The following SLC15A4 variants were observed in gnomAD, a reference collection of about 807,000 sequenced individuals.
The protein encoded by SLC15A4 is hPHT1.
Under a neutral mutation model 46.1 loss-of-function variants are expected in SLC15A4, and 26 were observed. The observed-to-expected ratio is 0.56, with a 90% CI of 0.41 to 0.78. SLC15A4 has a LOEUF of 0.78. SLC15A4 is among the 30% of genes least tolerant of loss of function. The probability of loss-of-function intolerance (pLI) is 0.00; values close to 1 mark genes in which losing one functional copy is unlikely to be tolerated. For synonymous variants in SLC15A4, 370 were observed against 333.4 expected, an observed-to-expected ratio of 1.11 and a Z score of -1.20; for missense variants, 751 against 755.7, an observed-to-expected ratio of 0.99 and a Z score of 0.07.
Position 128,823,754 on chromosome 12 carries a change from C to T in SLC15A4, c.190G>A (p.Gly64Arg), listed in dbSNP as rs758083861. 4.5e-6 allele frequency: 7 copies of T among 1,539,122 alleles called. No individual in the cohort carries two copies. The highest frequency in any genetic ancestry group is 2.8e-5 in the African/African-American group (2 of 70,804). ...ITSNLVLFLN[G>R]APFCWEGAQA... Reference sequence around the variant, plus strand: ...GCGCCCTCCCAGCAGAACGGCGCCCCGTTCAGGAATAGCACCAGGTTGGAC... The same window carrying T: ...GCGCCCTCCCAGCAGAACGGCGCCCTGTTCAGGAATAGCACCAGGTTGGAC... The change falls in exon 1 of 8, where the codon GGG becomes AGG. Residue 64 changes from glycine (G) to arginine (R), a missense_variant. By Grantham distance (125) the Gly-to-Arg change is moderately radical. Transcript: ENST00000266771.
Position 128,823,621 on chromosome 12 carries a change from A to G in SLC15A4, c.323T>C (p.Leu108Pro). Residue 108 changes from leucine to proline, a missense_variant, in exon 1 of 8, where the codon CTG becomes CCG. Physicochemically the swap from Leu to Pro is moderately conservative, Grantham distance 98 (BLOSUM62 -3). Transcript: ENST00000266771. The part of the protein sequence containing the change: ...ARLGRARAIL[L>P]SLALYLLGML... ...GCCCAGCAGGTAGAGCGCCAGGCTC[A>G]GCAGGATGGCGCGCGCCCGGCCCAG... 3 of 1,473,264 alleles carry G rather than the reference A, an allele frequency of 2.0e-6. No homozygotes were observed. Among genetic ancestry groups the G allele is most frequent in the Non-Finnish European group, 2.7e-6 (3 of 1,117,104 alleles). The allele number at this position is 1,473,264 out of a possible 1,614,324, so 91.3% of individuals were successfully genotyped here. A position where few individuals can be genotyped will look rare whatever the true frequency, so the allele number is the denominator to read the frequency against.
At chr12:128,814,146 G>C (rs982098028) in intron 2 of SLC15A4, 3 of 161,254 alleles carry the variant, frequency 1.9e-5, no homozygotes, top group Non-Finnish European at 4.1e-5. Context: ...AGTGCATCTC[G>C]CCATTCTGCT....
chr12:128,803,405 A>G (rs1955540736), intron 5 of SLC15A4, among the ~76,000 whole-genome samples: 1 of 151,740 alleles, frequency 6.6e-6, no homozygotes, highest in South Asian at 2.1e-4. Flanking sequence ...TTGTTGATGG[A>G]TTCACAGACA....
chr12:128,804,489 T>C (rs1955555699), intron 5 of SLC15A4, among the ~76,000 whole-genome samples: 1 of 152,146 alleles, frequency 6.6e-6, no homozygotes. Flanking sequence ...CCCAGCACTT[T>C]GGGAGGCCAA....
At chr12:128,796,429 CAAAAAAAAAA>C (rs57014966) in intron 7 of SLC15A4, among the ~76,000 whole-genome samples, 26 of 33,924 alleles carry the variant, frequency 7.7e-4, no homozygotes, top group Admixed American at 4.0e-3. Context: ...AACTCCATCT[CAAAAAAAAAA>C]AAAAAAAAAA....
rs1353358690 is a variant in SLC15A4, at chr12:128,823,841, C to T, written c.103G>A (p.Ala35Thr). 3.1e-6 allele frequency: 4 copies of T among 1,303,982 alleles called. No homozygotes were observed. The East Asian group carries it at 1.4e-4, about 44-fold the overall frequency. 80.8% of individuals were successfully genotyped at this position (1,303,982 alleles called of 1,614,324 possible). Residue 35 changes from alanine (A) to threonine (T), a missense_variant, in exon 1 of 8, where the codon GCG becomes ACG. Coordinates refer to ENST00000266771, the MANE Select transcript of SLC15A4 (RefSeq NM_145648.4). ...AAAGAFAGRR[A>T]ACGAVLLTEL... is the part of the protein sequence containing the mutation. ...GTCAGCAGCACGGCCCCGCACGCCGCGCGCCGGCCCGCGAACGCCCCAGCC... is the reference window on the plus strand; with the variant it reads ...GTCAGCAGCACGGCCCCGCACGCCGTGCGCCGGCCCGCGAACGCCCCAGCC...
Position 128,823,438 on chromosome 12 carries a change from GC to G in SLC15A4, c.505del (p.Ala169ProfsTer42). On this transcript the variant is annotated frameshift_variant, in exon 1 of 8. Coordinates refer to ENST00000266771, the MANE Select transcript of SLC15A4 (RefSeq NM_145648.4). LOFTEE classifies it high-confidence loss of function. The part of the protein sequence containing the change: ...AGLVLVGLGV[A>X]TVKANITPFG... The stretch of plus-strand genomic sequence containing the variant: ...GGGCGTGATGTTGGCCTTGACGGTG[GC>G]CACGCCCAGGCCCACCAGCACCAGC... 1 of 1,462,486 alleles carries G rather than the reference GC, an allele frequency of 6.8e-7. No homozygotes were observed. The highest frequency in any genetic ancestry group is 1.3e-5 in the South Asian group (1 of 75,620). 90.6% of individuals were successfully genotyped at this position (1,462,486 alleles called of 1,614,324 possible).
Position 128,814,809 on chromosome 12 carries a change from A to C in SLC15A4, c.808T>G (p.Ser270Ala), listed in dbSNP as rs141893441. The change falls in exon 2 of 8, where the codon TCC becomes GCC. Residue 270 changes from serine to alanine, a missense_variant. Ser to Ala is a moderately conservative substitution (Grantham distance 99). Coordinates refer to ENST00000266771, the MANE Select transcript of SLC15A4 (RefSeq NM_145648.4). ...MFKILTYSCCSQKRSGERQSN... is the reference protein window; with the variant it reads ...MFKILTYSCCAQKRSGERQSN... ...TGGCGCTCTCCACTTCGCTTCTGGGAACAGCAGGAATACGTCAGTATCTTG... is the reference window on the plus strand; with the variant it reads ...TGGCGCTCTCCACTTCGCTTCTGGGCACAGCAGGAATACGTCAGTATCTTG... 5.0e-6 allele frequency: 8 copies of C among 1,614,118 alleles called. No homozygotes were observed. In the African/African-American group the frequency reaches 1.1e-4, roughly 22 times the overall value.
chr12:128,802,903 C>T (rs1042973187), intron 5 of SLC15A4, among the ~76,000 whole-genome samples: 7 of 152,156 alleles, frequency 4.6e-5, no homozygotes, highest in Non-Finnish European at 1.0e-4. Flanking sequence ...GCCAACACTG[C>T]GGAAACCAGG....
At chr12:128,813,883 A>G (rs1651798038) in intron 2 of SLC15A4, 1 of 152,380 alleles carries the variant, frequency 6.6e-6, no homozygotes, top group African/African-American at 2.4e-5. Context: ...AAAACTGTAC[A>G]GATATAAGGG....
chr12:128,807,393 A>T (rs1170906024), intron 5 of SLC15A4, among the ~76,000 whole-genome samples: 1 of 152,216 alleles, frequency 6.6e-6, no homozygotes, highest in Non-Finnish European at 1.5e-5. Context: ...AAGGAGCCCA[A>T]ACCAAGTATC....
chr12:128,816,550 G>A (rs1407973730), intron 1 of SLC15A4, among the ~76,000 whole-genome samples: 1 of 152,166 alleles, frequency 6.6e-6, no homozygotes, highest in East Asian at 1.9e-4. Flanking sequence ...ACCAATTACG[G>A]TTGGGCATGG....
chr12:128,815,146 G>T, intron 1 of SLC15A4, 76 bp from the exon 2 acceptor site: 1 of 1,378,718 alleles, frequency 7.3e-7, no homozygotes, highest in Non-Finnish European at 1.0e-6. Flanking sequence ...CGGTCAAGTG[G>T]TTAAAATTAC....
chr12:128,813,031 G>A (rs2135716912), intron 2 of SLC15A4, among the ~76,000 whole-genome samples: 1 of 152,272 alleles, frequency 6.6e-6, no homozygotes, highest in Non-Finnish European at 1.5e-5. Flanking sequence ...GAACAATGCT[G>A]TTCTCTTGCA....
chr12:128,795,872 G>A (rs1031952866), intron 7 of SLC15A4, among the ~76,000 whole-genome samples: 2 of 152,206 alleles, frequency 1.3e-5, no homozygotes, highest in Non-Finnish European at 2.9e-5. Context: ...GCCACCAGCT[G>A]GAAAGCACTG....
intron 2 of SLC15A4, among the ~76,000 whole-genome samples, chr12:128,810,849 C>A (rs142815794): frequency 4.3e-4 from 65 of 152,308 alleles, no homozygotes; most frequent in Middle Eastern, 3.4e-3. Flanking sequence ...GAGGAAGATG[C>A]CGGGGCACAG....
chr12:128,801,079 T>C, intron 5 of SLC15A4, 70 bp from the exon 6 acceptor site: 1 of 1,435,258 alleles, frequency 7.0e-7, no homozygotes, highest in Non-Finnish European at 9.5e-7. Flanking sequence ...AAATCTGATG[T>C]TGGCTACGAG....
chr12:128,816,771 G>A (rs1955756943), intron 1 of SLC15A4, among the ~76,000 whole-genome samples: 1 of 152,184 alleles, frequency 6.6e-6, no homozygotes, highest in South Asian at 2.1e-4. Flanking sequence ...GGAGGTGGCA[G>A]TGAGCTGTGA....
At position 128,796,273 on chromosome 12, in the gene SLC15A4, T is replaced by C. The variant is rs1292024958; in HGVS notation, c.1574-1917A>G. Among the ~76,000 whole-genome samples the C allele has an allele frequency of 2.6e-5, 4 of 151,776 alleles. No individual in the cohort carries two copies. In the East Asian group the frequency reaches 7.8e-4, roughly 30 times the overall value. ...ACCCCGTCTCTACTAAAAATACAAA[T>C]AATTAGCCAGGCGTGGTGGCTGGCG... is the stretch of plus-strand genomic sequence containing the variant. On this transcript the variant is annotated intron_variant, in intron 7 of 7. Transcript: ENST00000266771.
Sources: gnomAD v4.1 joint callset for allele counts (sites outside exome capture counted in the v4.1 genomes callset) on GRCh38, gnomAD v4.1.1 for gene constraint, MANE v1.5 for transcripts, NCBI Gene and HGNC (gene_info 2026-07-23, HGNC 2026-07-21) for gene names.